Variants in SLC7A1 observed in about 807,000 individuals in gnomAD.
SLC7A1 encodes the protein solute carrier family 7 member 1.
SLC7A1 carries 10 observed loss-of-function variants against 53.9 expected under a neutral mutation model. That is an observed-to-expected ratio of 0.19 (90% confidence interval 0.11 to 0.31). SLC7A1 has a LOEUF of 0.31. SLC7A1 is among the 10% of genes least tolerant of loss of function. SLC7A1 has a pLI of 1.00. For missense variants in SLC7A1, 525 were observed against 827.2 expected (o/e 0.63, Z 4.48); for synonymous variants, 342 against 338.7 (o/e 1.01, Z -0.11).
At chr13:29,554,830 A>C (rs1156241168) in intron 1 of SLC7A1, among the ~76,000 whole-genome samples, 1 of 152,238 alleles carries the variant, frequency 6.6e-6, no homozygotes. Flanking sequence ...ATACATTGAT[A>C]ATTCATCCCA....
At chr13:29,527,206 A>T (rs1297058164) in intron 5 of SLC7A1, among the ~76,000 whole-genome samples, 1 of 152,204 alleles carries the variant, frequency 6.6e-6, no homozygotes, top group African/African-American at 2.4e-5. Flanking sequence ...GCTTGTGCTT[A>T]CACAGGGAGA....
At chr13:29,530,843 G>C (rs1283602876) in intron 4 of SLC7A1, 131 bp from the exon 5 acceptor site, 1 of 664,098 alleles carries the variant, frequency 1.5e-6, no homozygotes, top group East Asian at 2.7e-5. Flanking sequence ...ACCTCTGTGA[G>C]CCTCTGGGAA....
At chr13:29,531,398 A>G (rs1409852780) in intron 4 of SLC7A1, among the ~76,000 whole-genome samples, 4 of 152,132 alleles carry the variant, frequency 2.6e-5, no homozygotes, top group Non-Finnish European at 4.4e-5. Flanking sequence ...ATGCCCCAGC[A>G]CCACCTTAGG....
intron 10 of SLC7A1, 88 bp downstream of exon 10, chr13:29,517,485 C>T (rs1486935281): frequency 7.9e-7 from 1 of 1,273,452 alleles, no homozygotes; most frequent in East Asian, 2.3e-5. Flanking sequence ...TGCTCATCTT[C>T]TCTGGCACCT....
intron 1 of SLC7A1, among the ~76,000 whole-genome samples, chr13:29,584,833 C>T (rs969412456): frequency 2.6e-5 from 4 of 152,146 alleles, no homozygotes; most frequent in Non-Finnish European, 2.9e-5. Context: ...CAATACCGTT[C>T]GATATTAACC....
intron 1 of SLC7A1, among the ~76,000 whole-genome samples, chr13:29,577,885 G>A (rs1225004556): frequency 6.6e-6 from 1 of 152,150 alleles, no homozygotes; most frequent in Non-Finnish European, 1.5e-5. Context: ...GGCAACCAAG[G>A]AGAACCACGT....
At chr13:29,584,110 T>A (rs796186647) in intron 1 of SLC7A1, among the ~76,000 whole-genome samples, 22 of 91,158 alleles carry the variant, frequency 2.4e-4, no homozygotes, top group Non-Finnish European at 6.3e-4. Context: ...TATTTGTAAC[T>A]TTTTTTTTCT....
rs1287347170 is a variant in SLC7A1, at chr13:29,541,281, A to G, written c.-14-5079T>C. On this transcript the variant is annotated intron_variant, in intron 2 of 12. Coordinates refer to ENST00000380752, the MANE Select transcript of SLC7A1 (RefSeq NM_003045.5). The stretch of plus-strand genomic sequence containing the variant: ...AAGGAGGTAGGCATGGTGTTATAAA[A>G]AAAGAGGTAAGGAAGAGACAGAACT... Among the ~76,000 whole-genome samples, 7 of 152,366 alleles carry G rather than the reference A, an allele frequency of 4.6e-5. No individual in the cohort carries two copies. The East Asian group carries it at 1.4e-3, about 29-fold the overall frequency.
At chr13:29,570,988 C>T (rs1292260528) in intron 1 of SLC7A1, among the ~76,000 whole-genome samples, 2 of 152,128 alleles carry the variant, frequency 1.3e-5, no homozygotes, top group African/African-American at 4.8e-5. Context: ...ATAGTATGCG[C>T]TATATGTTAA....
intron 2 of SLC7A1, among the ~76,000 whole-genome samples, chr13:29,551,068 C>T (rs1870158954): frequency 6.6e-6 from 1 of 152,134 alleles, no homozygotes; most frequent in Non-Finnish European, 1.5e-5. Flanking sequence ...CATTAAGTAG[C>T]TGTTATTTCA....
intron 2 of SLC7A1, among the ~76,000 whole-genome samples, chr13:29,540,205 G>C (rs1399319295): frequency 6.6e-6 from 1 of 152,188 alleles, no homozygotes; most frequent in Non-Finnish European, 1.5e-5. Context: ...ACAGAAAGTT[G>C]CCAGAATACT....
At chr13:29,519,814 T>C (rs1409302512) in intron 8 of SLC7A1, among the ~76,000 whole-genome samples, 1 of 152,208 alleles carries the variant, frequency 6.6e-6, no homozygotes, top group East Asian at 1.9e-4. Flanking sequence ...GTGATTTTAA[T>C]GGCAACTTTG....
In SLC7A1 at chr13:29,567,946, A is replaced by G. The variant is rs1756436; in HGVS notation, c.-114-14086T>C. Among the ~76,000 whole-genome samples the G allele has an allele frequency of 3.4e-3, 523 of 151,660 alleles. 4 individuals carry two copies. Among genetic ancestry groups the G allele is most frequent in the African/African-American group, 0.012 (490 of 41,298 alleles). On this transcript the variant is annotated intron_variant, in intron 1 of 12. Transcript: ENST00000380752. Reference sequence around the variant, plus strand: ...TGGCCCTAACTTCTAGGAGGGATTGACTCCAAAGAGCTCCCACCCAGGGGA... The same window carrying G: ...TGGCCCTAACTTCTAGGAGGGATTGGCTCCAAAGAGCTCCCACCCAGGGGA...
chr13:29,519,392 AG>A, intron 9 of SLC7A1, 54 bp downstream of exon 9: 1 of 1,023,230 alleles, frequency 9.8e-7, no homozygotes, highest in Non-Finnish European at 1.5e-6. Flanking sequence ...AACTGTGAAA[AG>A]GCTACCAGGT....
chr13:29,544,867 CG>C (rs11305796), intron 2 of SLC7A1, among the ~76,000 whole-genome samples: 84,291 of 115,406 alleles, frequency 0.73, 31,609 homozygotes, highest in Non-Finnish European at 0.85. Flanking sequence ...CCTGCCTCAT[CG>C]GGGGGGGGGG....
chr13:29,578,513 A>G (rs1199757534), intron 1 of SLC7A1, among the ~76,000 whole-genome samples: 1 of 152,176 alleles, frequency 6.6e-6, no homozygotes, highest in Non-Finnish European at 1.5e-5. Context: ...AGGCCCAAGA[A>G]AGGTGCCGAG....
At chr13:29,526,911 C>T (rs935068784) in intron 5 of SLC7A1, among the ~76,000 whole-genome samples, 26 of 152,290 alleles carry the variant, frequency 1.7e-4, no homozygotes, top group African/African-American at 6.0e-4. Context: ...GAGCTGTGTG[C>T]AACCGTGAGC....
chr13:29,521,047 G>A (rs966448373), intron 8 of SLC7A1, among the ~76,000 whole-genome samples: 1 of 152,190 alleles, frequency 6.6e-6, no homozygotes, highest in Non-Finnish European at 1.5e-5. Context: ...TCTTTAATAT[G>A]ATCAAATTCC....
intron 2 of SLC7A1, among the ~76,000 whole-genome samples, chr13:29,541,445 T>G (rs1358659710): frequency 6.6e-6 from 1 of 152,192 alleles, no homozygotes; most frequent in Non-Finnish European, 1.5e-5. Context: ...GACTCATTAA[T>G]CCCAGGTGAA....
Sources: allele counts gnomAD v4.1 joint callset (sites outside exome capture counted in the v4.1 genomes callset), GRCh38; gene constraint gnomAD v4.1.1; transcripts MANE v1.5; gene names NCBI Gene and HGNC (gene_info 2026-07-23, HGNC 2026-07-21).